SLC39A11: variants seen among roughly 807,000 people sequenced by gnomAD.
SLC39A11 encodes the protein zinc transporter ZIP11.
Under a neutral mutation model 36.1 loss-of-function variants are expected in SLC39A11, and 33 were observed. That is an observed-to-expected ratio of 0.91 (90% CI 0.69 to 1.22). The LOEUF (loss-of-function observed/expected upper bound fraction) is 1.22, where lower values mean the gene tolerates loss of function less well. Ranked by LOEUF, SLC39A11 falls within the 50% of genes most tolerant of loss-of-function variation. SLC39A11 has a pLI of 0.00. For missense variants in SLC39A11, 432 were observed against 430.3 expected (o/e 1.00, Z -0.03); for synonymous variants, 166 against 170.3 (o/e 0.97, Z 0.20).
Position 72,648,934 on chromosome 17 carries a change from C to T in SLC39A11, c.798G>A (p.Glu266=). Residue 266 remains glutamate (E), a synonymous_variant, in exon 9 of 10, where the codon GAG becomes GAA. Coordinates refer to ENST00000255559, the MANE Select transcript of SLC39A11 (RefSeq NM_139177.4). ...FWYGQLSGMV[E]PLAGVFGAFA... ...AGGCACCAAAGACCCCGGCCAGGGG[C>T]TCCACCATGCCGCTCAGCTGCCCAT... 6.2e-7 allele frequency: 1 copy of T among 1,613,620 alleles called. No individual in the cohort carries two copies. Among genetic ancestry groups the T allele is most frequent in the Non-Finnish European group, 8.5e-7 (1 of 1,179,756 alleles).
chr17:72,728,370 G>A (rs1032121799), intron 7 of SLC39A11, among the ~76,000 whole-genome samples: 1 of 152,042 alleles, frequency 6.6e-6, no homozygotes, highest in Non-Finnish European at 1.5e-5. Context: ...TGAGCCCAGG[G>A]GGTCGAGGGT....
intron 2 of SLC39A11, among the ~76,000 whole-genome samples, chr17:73,088,362 C>CTG (rs2060808553): frequency 6.6e-6 from 1 of 151,756 alleles, no homozygotes; most frequent in East Asian, 1.9e-4. Flanking sequence ...AGCGGGCTAA[C>CTG]GAAGCCTCAA....
rs1473949823 is a variant in SLC39A11, at chr17:72,911,276, G to A, written c.430+36476C>T. ...CACCGGGGCCTGTTGTGGGGTGGAG[G>A]AAGGGGGGAAGGATAGCATTAGGAG... On this transcript the variant is annotated intron_variant, in intron 5 of 9. Transcript: ENST00000255559. Among the ~76,000 whole-genome samples the A allele has an allele frequency of 2.0e-5, 3 of 152,048 alleles. No individual in the cohort carries two copies. In the South Asian group the frequency reaches 6.2e-4, roughly 32 times the overall value.
rs56100121 is a variant in SLC39A11 at position 72,787,253 on chromosome 17, C to CTTTTT, written c.602-50539_602-50535dup. Reference sequence around the variant, plus strand: ...TCACTTTGACTGCTATAACCCATGGCTTTTTTTTTTTTTTTTTTTTTTGAG... The same window carrying CTTTTT: ...TCACTTTGACTGCTATAACCCATGGCTTTTTTTTTTTTTTTTTTTTTTTTTTTGAG... On this transcript the variant is annotated intron_variant, in intron 6 of 9. Transcript: ENST00000255559. Among the ~76,000 whole-genome samples, 601 of 80,482 alleles carry CTTTTT rather than the reference C, an allele frequency of 7.5e-3. 24 individuals are homozygous for CTTTTT. Among genetic ancestry groups the CTTTTT allele is most frequent in the Non-Finnish European group, 8.6e-3 (387 of 45,152 alleles). 52.8% of individuals were successfully genotyped at this position (80,482 alleles called of 152,430 possible).
At chr17:72,835,032 GCCCT>G (rs1398180710) in intron 6 of SLC39A11, among the ~76,000 whole-genome samples, 1 of 152,206 alleles carries the variant, frequency 6.6e-6, no homozygotes, top group Non-Finnish European at 1.5e-5. Context: ...TTGTGATTTT[GCCCT>G]CTGGGCGTTG....
intron 7 of SLC39A11, among the ~76,000 whole-genome samples, chr17:72,714,084 G>A (rs979582127): frequency 2.6e-5 from 4 of 152,174 alleles, no homozygotes; most frequent in Non-Finnish European, 4.4e-5. Context: ...GGCCGGGCGC[G>A]GTGGCTAAAG....
chr17:72,960,558 G>C (rs560002742), intron 4 of SLC39A11, among the ~76,000 whole-genome samples: 2 of 152,296 alleles, frequency 1.3e-5, no homozygotes, highest in African/African-American at 4.8e-5. Flanking sequence ...TTGGGAGGCT[G>C]AGGCAGGAGA....
intron 4 of SLC39A11, among the ~76,000 whole-genome samples, chr17:72,997,145 C>T (rs538547556): frequency 3.9e-5 from 6 of 152,138 alleles, no homozygotes; most frequent in South Asian, 4.2e-4. Context: ...AGTTGTATAC[C>T]GCTGAGATTT....
intron 7 of SLC39A11, among the ~76,000 whole-genome samples, chr17:72,649,752 C>A (rs1420772233): frequency 6.7e-6 from 1 of 149,160 alleles, no homozygotes; most frequent in African/African-American, 2.5e-5. Flanking sequence ...CAAGTGATTT[C>A]CAGCTAATTT....
intron 4 of SLC39A11, among the ~76,000 whole-genome samples, chr17:73,027,622 C>A (rs1277848374): frequency 6.6e-6 from 1 of 152,214 alleles, no homozygotes; most frequent in Non-Finnish European, 1.5e-5. Flanking sequence ...TTGCCTCCAA[C>A]AGAGGGACAG....
At chr17:72,792,080 C>T (rs1248364278) in intron 6 of SLC39A11, among the ~76,000 whole-genome samples, 2 of 152,164 alleles carry the variant, frequency 1.3e-5, no homozygotes. Flanking sequence ...TTAGTCACTG[C>T]AGTGGTGAGG....
intron 7 of SLC39A11, among the ~76,000 whole-genome samples, chr17:72,660,785 C>T (rs1008721529): frequency 2.6e-4 from 39 of 152,250 alleles, no homozygotes; most frequent in African/African-American, 9.1e-4. Flanking sequence ...GTTGTGGGGG[C>T]CTGGTTCTGT....
chr17:73,053,334 C>T (rs555534510), intron 3 of SLC39A11, among the ~76,000 whole-genome samples: 1 of 151,456 alleles, frequency 6.6e-6, no homozygotes, highest in Admixed American at 6.6e-5. Flanking sequence ...AGAAGTTAAT[C>T]AACTAGGGAT....
chr17:72,891,763 T>C (rs1032098517), intron 5 of SLC39A11, among the ~76,000 whole-genome samples: 7 of 151,790 alleles, frequency 4.6e-5, no homozygotes, highest in African/African-American at 1.7e-4. Context: ...ATAAAGCCAA[T>C]AGAAATGATT....
chr17:72,910,001 C>T (rs2082896771), intron 5 of SLC39A11, among the ~76,000 whole-genome samples: 1 of 152,004 alleles, frequency 6.6e-6, no homozygotes, highest in African/African-American at 2.4e-5. Context: ...ATCCACCCAC[C>T]TCGGCCTCCC....
chr17:72,951,357 C>G (rs950428827), intron 4 of SLC39A11, among the ~76,000 whole-genome samples: 2 of 151,708 alleles, frequency 1.3e-5, no homozygotes, highest in African/African-American at 4.8e-5. Flanking sequence ...GACGCCATAG[C>G]TCCCTGTAAT....
chr17:73,063,814 A>G (rs2059918577), intron 3 of SLC39A11, among the ~76,000 whole-genome samples: 1 of 152,208 alleles, frequency 6.6e-6, no homozygotes, highest in Non-Finnish European at 1.5e-5. Context: ...TCCCCCACAC[A>G]GAAATCTTCA....
chr17:72,672,300 T>C (rs1264023585), intron 7 of SLC39A11, among the ~76,000 whole-genome samples: 1 of 151,968 alleles, frequency 6.6e-6, no homozygotes, highest in Non-Finnish European at 1.5e-5. Context: ...AATACAAAAA[T>C]TGGCCAGGCT....
intron 7 of SLC39A11, among the ~76,000 whole-genome samples, chr17:72,677,340 C>A (rs956933493): frequency 5.3e-5 from 8 of 152,326 alleles, no homozygotes; most frequent in Non-Finnish European, 8.8e-5. Flanking sequence ...CCATGGCCAA[C>A]ACCAGCTGGG....
Sources: allele counts gnomAD v4.1 joint callset (sites outside exome capture counted in the v4.1 genomes callset), GRCh38; gene constraint gnomAD v4.1.1; transcripts MANE v1.5; gene names NCBI Gene and HGNC (gene_info 2026-07-23, HGNC 2026-07-21).